Variants in TRIM9 observed in about 807,000 individuals in gnomAD.
TRIM9 encodes the protein tripartite motif containing 9, also known as E3 ubiquitin-protein ligase TRIM9.
Under a neutral mutation model 78.3 loss-of-function variants are expected in TRIM9, and 26 were observed. That is an observed-to-expected ratio of 0.33 (90% CI 0.24 to 0.46). TRIM9 has a LOEUF of 0.46. Ranked by LOEUF, TRIM9 falls within the 20% of genes least tolerant of loss-of-function variation. TRIM9 has a pLI of 1.00. For missense variants in TRIM9, 787 were observed against 1,036.4 expected, an observed-to-expected ratio of 0.76 and a Z score of 3.30; for synonymous variants, 398 against 416.5, an observed-to-expected ratio of 0.96 and a Z score of 0.54.
intron 1 of TRIM9, among the ~76,000 whole-genome samples, chr14:51,069,955 TG>T (rs2062071533): frequency 6.6e-6 from 1 of 152,264 alleles, no homozygotes; most frequent in South Asian, 2.1e-4. Flanking sequence ...AGCACTTTCA[TG>T]GTCATTCACA....
intron 1 of TRIM9, among the ~76,000 whole-genome samples, chr14:51,071,353 G>A (rs1476271218): frequency 1.4e-5 from 2 of 143,984 alleles, no homozygotes; most frequent in Admixed American, 7.1e-5. Context: ...TCCAGCCTGG[G>A]CAACAAGAGT....
Position 50,977,240 on chromosome 14 carries a change from C to T in TRIM9, c.*51G>A, listed in dbSNP as rs1215461589. On this transcript the variant is annotated 3_prime_UTR_variant, in exon 13 of 13. Coordinates refer to ENST00000684578, the MANE Select transcript of TRIM9 (RefSeq NM_001387360.1). ...CGGCTGGCTGAGCTCCTTGCTGTGG[C>T]TCTCGCAGGCGGAGGTAAGAACAGG... is the stretch of plus-strand genomic sequence containing the variant. 7.2e-7 allele frequency: 1 copy of T among 1,390,952 alleles called. No individual in the cohort carries two copies. The highest frequency in any genetic ancestry group is 1.8e-5 in the South Asian group (1 of 56,400). 86.2% of individuals were successfully genotyped at this position (1,390,952 alleles called of 1,614,324 possible).
chr14:51,001,594 C>G (rs17123391), intron 5 of TRIM9, among the ~76,000 whole-genome samples: 6,517 of 152,280 alleles, frequency 0.043, 478 homozygotes, highest in African/African-American at 0.15. Context: ...AAACCAGAGA[C>G]TGCCTATTCT....
Position 51,001,473 on chromosome 14 carries a change from C to T in TRIM9, c.1307-633G>A, listed in dbSNP as rs566153166. ...CTTGATCTCCTGACCTCGTGATCCG[C>T]CCGCCTCTGCCTCCCAAAGTGCTGG... On this transcript the variant is annotated intron_variant, in intron 5 of 12. Transcript: ENST00000684578. 2.6e-3 allele frequency among the ~76,000 whole-genome samples: 393 copies of T among 152,228 alleles called. 1 individual carries two copies. The highest frequency in any genetic ancestry group is 6.8e-3 in the Middle Eastern group (2 of 294).
intron 1 of TRIM9, among the ~76,000 whole-genome samples, chr14:51,025,664 C>T (rs923799048): frequency 6.6e-6 from 1 of 152,182 alleles, no homozygotes; most frequent in African/African-American, 2.4e-5. Flanking sequence ...TTATTGAATA[C>T]ATATTTGCTA....
intron 1 of TRIM9, among the ~76,000 whole-genome samples, chr14:51,068,676 A>G (rs537913440): frequency 1.2e-4 from 19 of 152,200 alleles, no homozygotes; most frequent in Non-Finnish European, 2.1e-4. Flanking sequence ...CTGTTTTGCC[A>G]CTATGGGTGG....
At chr14:50,990,950 C>T (rs1465299900) in intron 7 of TRIM9, among the ~76,000 whole-genome samples, 1 of 152,114 alleles carries the variant, frequency 6.6e-6, no homozygotes, top group African/African-American at 2.4e-5. Context: ...ACAATTATGT[C>T]CAACTGGTAC....
At chr14:51,093,908 A>G (rs2064684953) in intron 1 of TRIM9, among the ~76,000 whole-genome samples, 1 of 152,202 alleles carries the variant, frequency 6.6e-6, no homozygotes, top group Non-Finnish European at 1.5e-5. Flanking sequence ...CATCCCCGCA[A>G]CAACTCTGTG....
chr14:51,049,811 C>T (rs957908690), intron 1 of TRIM9, among the ~76,000 whole-genome samples: 6 of 147,888 alleles, frequency 4.1e-5, no homozygotes, highest in Admixed American at 6.8e-5. Flanking sequence ...GGTGACAGAG[C>T]GAGACTCTGT....
At chr14:50,979,661 C>G (rs1252220264) in intron 11 of TRIM9, 112 bp from the exon 12 acceptor site, 2 of 869,002 alleles carry the variant, frequency 2.3e-6, no homozygotes, top group African/African-American at 1.7e-5. Context: ...CATCACTACC[C>G]CAAAACCGTT....
chr14:51,032,483 C>A (rs2058815365), intron 1 of TRIM9, among the ~76,000 whole-genome samples: 1 of 152,236 alleles, frequency 6.6e-6, no homozygotes, highest in South Asian at 2.1e-4. Flanking sequence ...GGGGATGTCC[C>A]ATGGCAAGTG....
At chr14:51,060,238 A>G (rs771553542) in intron 1 of TRIM9, among the ~76,000 whole-genome samples, 3 of 152,156 alleles carry the variant, frequency 2.0e-5, no homozygotes, top group Non-Finnish European at 2.9e-5. Context: ...TAATTGGTCA[A>G]TTCTTACCAC....
chr14:51,045,613 T>G (rs1423417357), intron 1 of TRIM9, among the ~76,000 whole-genome samples: 2 of 152,206 alleles, frequency 1.3e-5, no homozygotes, highest in Non-Finnish European at 2.9e-5. Flanking sequence ...AGAGTAAATG[T>G]GAGATTACTG....
intron 3 of TRIM9, among the ~76,000 whole-genome samples, chr14:51,011,073 T>C (rs553374821): frequency 6.6e-6 from 1 of 152,284 alleles, no homozygotes; most frequent in East Asian, 1.9e-4. Flanking sequence ...GGAGAGGTAA[T>C]GAGCTAATGA....
intron 1 of TRIM9, among the ~76,000 whole-genome samples, chr14:51,057,564 A>T (rs1484257378): frequency 2.0e-5 from 3 of 152,222 alleles, no homozygotes; most frequent in Non-Finnish European, 4.4e-5. Context: ...ATTTTCTAAA[A>T]ATTTTTAATC....
rs149267549 is a variant in TRIM9, at chr14:50,997,924, A to G, written c.1603+126T>C. On this transcript the variant is annotated intron_variant, in intron 7 of 12. Coordinates refer to ENST00000684578, the MANE Select transcript of TRIM9 (RefSeq NM_001387360.1). ...CAGGAGAGGAACAGCGGCTCTGTGCAGAATGCAGAGCAAGTCATGGAAACA... is the reference window on the plus strand; with the variant it reads ...CAGGAGAGGAACAGCGGCTCTGTGCGGAATGCAGAGCAAGTCATGGAAACA... 857 of 1,513,480 alleles carry G rather than the reference A, an allele frequency of 5.7e-4. 6 individuals carry two copies. The African/African-American group carries it at 0.011, about 19-fold the overall frequency. The allele number at this position is 1,513,480 out of a possible 1,614,324, so 93.8% of individuals were successfully genotyped here.
At position 51,020,935 on chromosome 14, in the gene TRIM9, C is replaced by T. The variant is rs550986271; in HGVS notation, c.1041+1900G>A. 1.1e-4 allele frequency among the ~76,000 whole-genome samples: 17 copies of T among 152,240 alleles called. 1 individual carries two copies. The highest frequency in any genetic ancestry group is 6.5e-4 in the Admixed American group (10 of 15,298). ...CTGTTAAAAAGTGCCAGGAAGTGTT[C>T]GCAATGTTTCAAAAGAGATATTTCC... On this transcript the variant is annotated intron_variant, in intron 3 of 12. Coordinates refer to ENST00000684578, the MANE Select transcript of TRIM9 (RefSeq NM_001387360.1).
In TRIM9 at chr14:50,979,551, T is replaced by C; in HGVS notation, c.2163-2A>G. ...CCTTTTGTGATCCCTCCCTCAGTTC[T>C]GTAGGAAAAGAGAAAAATTGGGGTT... On this transcript the variant is annotated splice_acceptor_variant, in intron 11 of 12. Transcript: ENST00000684578. LOFTEE classifies it high-confidence loss of function. 1 of 1,612,592 alleles carries C rather than the reference T, an allele frequency of 6.2e-7. No homozygotes were observed. The highest frequency in any genetic ancestry group is 8.5e-7 in the Non-Finnish European group (1 of 1,179,226).
intron 5 of TRIM9, among the ~76,000 whole-genome samples, chr14:51,003,151 C>T (rs1024923158): frequency 6.6e-6 from 1 of 152,176 alleles, no homozygotes; most frequent in Non-Finnish European, 1.5e-5. Context: ...AACTTTAGGT[C>T]ATTTTAACTA....
Sources: allele counts gnomAD v4.1 joint callset (sites outside exome capture counted in the v4.1 genomes callset), GRCh38; gene constraint gnomAD v4.1.1; transcripts MANE v1.5; gene names NCBI Gene and HGNC (gene_info 2026-07-23, HGNC 2026-07-21).